Variants in EIF2B3 observed in about 807,000 individuals in gnomAD.
EIF2B3 encodes eukaryotic translation initiation factor 2B subunit gamma.
EIF2B3 carries 20 observed loss-of-function variants against 54.1 expected under a neutral mutation model. The ratio of observed to expected loss-of-function variants is 0.37; its 90% CI spans 0.26 to 0.54. The LOEUF (loss-of-function observed/expected upper bound fraction) is 0.54. Ranked by LOEUF, EIF2B3 falls within the 20% of genes least tolerant of loss-of-function variation. The pLI, the probability that EIF2B3 is intolerant of heterozygous loss-of-function variation, is 0.86. For missense variants in EIF2B3, 448 were observed against 547.8 expected, an observed-to-expected ratio of 0.82 and a Z score of 1.82; for synonymous variants, 153 against 188.1, an observed-to-expected ratio of 0.81 and a Z score of 1.52.
intron 5 of EIF2B3, among the ~76,000 whole-genome samples, chr1:44,910,852 T>C (rs59559455): frequency 0.14 from 21,055 of 151,928 alleles, 1,657 homozygotes; most frequent in Non-Finnish European, 0.17. Context: ...CTTTCTTTTT[T>C]AAATTTTTTT....
chr1:44,900,550 T>G (rs1428126323), intron 5 of EIF2B3, among the ~76,000 whole-genome samples: 4 of 151,022 alleles, frequency 2.6e-5, no homozygotes, highest in Non-Finnish European at 5.9e-5. Flanking sequence ...TGTTCTATGC[T>G]CACTACCTGG....
In EIF2B3 at chr1:44,955,677, A is replaced by ATC. The variant is rs1206921226; in HGVS notation, c.295-14013_295-14012insGA. Among the ~76,000 whole-genome samples the ATC allele has an allele frequency of 4.6e-5, 7 of 152,126 alleles. No individual in the cohort carries two copies. In the East Asian group the frequency reaches 1.2e-3, roughly 25 times the overall value. ...CTTAAACAAATTTATAAGAAAAAAA[A>ATC]ACCCCATCAAAAAGTGGGCAAACGA... is the stretch of plus-strand genomic sequence containing the variant. On this transcript the variant is annotated intron_variant, in intron 3 of 11. Transcript: ENST00000360403.
chr1:44,881,640 ATCC>A lies in EIF2B3; in HGVS notation c.753_755del (p.Glu251del). On this transcript the variant is annotated inframe_deletion, in exon 7 of 12. Transcript: ENST00000360403. The surrounding 1 kb of genome is among the most constrained non-coding windows in gnomAD (Gnocchi z 4.0). Reference sequence around the variant, plus strand: ...AGGACTTCAGCTCCTTTTTCTTTAGATCCTCCTCTTTTTCTTCTTGTCCCTGTT... The same window carrying A: ...AGGACTTCAGCTCCTTTTTCTTTAGATCCTCTTTTTCTTCTTGTCCCTGTT... The A allele has an allele frequency of 6.2e-7, 1 of 1,614,132 alleles. No individual in the cohort carries two copies. The highest frequency in any genetic ancestry group is 8.5e-7 in the Non-Finnish European group (1 of 1,180,014).
chr1:44,874,497 G>A (rs1655056952), intron 10 of EIF2B3, 181 bp downstream of exon 10: 2 of 655,252 alleles, frequency 3.1e-6, no homozygotes, highest in Non-Finnish European at 5.1e-6. Context: ...CATTTTAGAG[G>A]AATAAATTTC....
intron 4 of EIF2B3, among the ~76,000 whole-genome samples, chr1:44,937,724 A>C (rs1643964822): frequency 6.6e-6 from 1 of 151,830 alleles, no homozygotes; most frequent in African/African-American, 2.4e-5. Context: ...TCTACTAAAA[A>C]ACACAAAAAA....
chr1:44,919,069 C>T (rs1010037938), intron 5 of EIF2B3, among the ~76,000 whole-genome samples: 2 of 152,006 alleles, frequency 1.3e-5, no homozygotes, highest in Non-Finnish European at 2.9e-5. Flanking sequence ...AGTTACAGGC[C>T]GGGCTCAGTG....
At chr1:44,879,691 G>T in intron 8 of EIF2B3, 127 bp downstream of exon 8, 2 of 1,105,230 alleles carry the variant, frequency 1.8e-6, no homozygotes, top group Non-Finnish European at 2.7e-6. Flanking sequence ...GACGTGCCAG[G>T]TCTTGCTCAA....
intron 10 of EIF2B3, among the ~76,000 whole-genome samples, chr1:44,873,140 A>G (rs946408798): frequency 6.6e-6 from 1 of 152,230 alleles, no homozygotes; most frequent in African/African-American, 2.4e-5. Context: ...ACAATTTATC[A>G]GCATACCACT....
intron 10 of EIF2B3, among the ~76,000 whole-genome samples, chr1:44,866,453 G>C (rs1306203156): frequency 6.6e-6 from 1 of 151,920 alleles, no homozygotes; most frequent in African/African-American, 2.4e-5. Context: ...TAGTTGAAGA[G>C]GGAAGAAAGA....
intron 1 of EIF2B3, among the ~76,000 whole-genome samples, chr1:44,982,136 G>C (rs1402782015): frequency 6.6e-6 from 1 of 151,998 alleles, no homozygotes; most frequent in Non-Finnish European, 1.5e-5. Context: ...ACGTAGGCTT[G>C]TATCTGAACC....
chr1:44,973,703 C>CA (rs922117332), intron 3 of EIF2B3, among the ~76,000 whole-genome samples: 17 of 148,344 alleles, frequency 1.1e-4, no homozygotes, highest in African/African-American at 1.5e-4. Flanking sequence ...GACTCTGTCT[C>CA]AAAAAAAAAG....
At chr1:44,985,965 T>C (rs1272267864) in intron 1 of EIF2B3, among the ~76,000 whole-genome samples, 1 of 152,114 alleles carries the variant, frequency 6.6e-6, no homozygotes, top group Non-Finnish European at 1.5e-5. Context: ...CTCCCTATAT[T>C]TCACTGCCCT....
intron 8 of EIF2B3, among the ~76,000 whole-genome samples, chr1:44,877,088 A>C (rs1207561596): frequency 6.7e-6 from 1 of 149,770 alleles, no homozygotes; most frequent in African/African-American, 2.5e-5. Flanking sequence ...TGCCTAGGAA[A>C]ACCAGAGACC....
At chr1:44,910,624 A>G (rs1643493361) in intron 5 of EIF2B3, among the ~76,000 whole-genome samples, 2 of 131,734 alleles carry the variant, frequency 1.5e-5, no homozygotes, top group Middle Eastern at 7.6e-3. Context: ...CACCCCCCCA[A>G]GTAATGCTTT....
Position 44,881,511 on chromosome 1 carries a change from G to T in EIF2B3, c.784+101C>A. The T allele has an allele frequency of 2.0e-6, 3 of 1,488,620 alleles. No individual in the cohort carries two copies. Among genetic ancestry groups the T allele is most frequent in the Non-Finnish European group, 2.8e-6 (3 of 1,076,086 alleles). 92.2% of individuals were successfully genotyped at this position (1,488,620 alleles called of 1,614,324 possible). A position where few individuals can be genotyped will look rare whatever the true frequency, so the allele number is the denominator to read the frequency against. ...CCTCGTAGGCTAGAAATAGTCTGCTGCCTTGAGTCAGGCATCTTGGGCTGG... is the reference window on the plus strand; with the variant it reads ...CCTCGTAGGCTAGAAATAGTCTGCTTCCTTGAGTCAGGCATCTTGGGCTGG... On this transcript the variant is annotated intron_variant, in intron 7 of 11. Coordinates refer to ENST00000360403, the MANE Select transcript of EIF2B3 (RefSeq NM_020365.5). This position sits in a 1 kb window ranked among gnomAD's most constrained non-coding sequence, Gnocchi z 4.0.
chr1:44,961,005 A>T (rs1468726820), intron 3 of EIF2B3, among the ~76,000 whole-genome samples: 1 of 151,952 alleles, frequency 6.6e-6, no homozygotes, highest in African/African-American at 2.4e-5. Flanking sequence ...AAAGATTTTT[A>T]AAAATATATG....
At chr1:44,910,520 C>T (rs1643489720) in intron 5 of EIF2B3, among the ~76,000 whole-genome samples, 1 of 151,924 alleles carries the variant, frequency 6.6e-6, no homozygotes, top group Admixed American at 6.6e-5. Flanking sequence ...GTTACTAGTA[C>T]TGACTGATGA....
chr1:44,917,166 G>A (rs1268800565), intron 5 of EIF2B3, among the ~76,000 whole-genome samples: 3 of 152,010 alleles, frequency 2.0e-5, no homozygotes, highest in Non-Finnish European at 1.5e-5. Context: ...GGATAAATCT[G>A]GCCAAATTAT....
chr1:44,960,569 C>T (rs1393445030), intron 3 of EIF2B3, among the ~76,000 whole-genome samples: 2 of 151,584 alleles, frequency 1.3e-5, no homozygotes, highest in African/African-American at 2.4e-5. Context: ...AACCCGGGGG[C>T]GGAGCTTGCA....
Sources: gnomAD v4.1 joint callset for allele counts (sites outside exome capture counted in the v4.1 genomes callset) on GRCh38, gnomAD v4.1.1 for gene constraint, Gnocchi (gnomAD v3.1) non-coding constraint, MANE v1.5 for transcripts, NCBI Gene and HGNC (gene_info 2026-07-23, HGNC 2026-07-21) for gene names.